Variants in AUTS2 observed in about 807,000 individuals in gnomAD.
AUTS2 encodes autism susceptibility gene 2 protein.
Under a neutral mutation model 112.4 loss-of-function variants are expected in AUTS2, and 17 were observed. The ratio of observed to expected loss-of-function variants is 0.15; its 90% CI spans 0.10 to 0.23. The LOEUF (loss-of-function observed/expected upper bound fraction) is 0.23. AUTS2 is among the 10% of genes least tolerant of loss of function. AUTS2 has a pLI of 1.00. For missense variants in AUTS2, 1,510 were observed against 1,701.6 expected (o/e 0.89, Z 1.98); for synonymous variants, 751 against 702.7 (o/e 1.07, Z -1.09).
chr7:70,468,782 T>A (rs774401109), intron 5 of AUTS2, among the ~76,000 whole-genome samples: 35 of 144,626 alleles, frequency 2.4e-4, no homozygotes, highest in South Asian at 8.7e-4. Flanking sequence ...GCTTAGCACC[T>A]TTTTTTTTTT....
intron 2 of AUTS2, among the ~76,000 whole-genome samples, chr7:69,966,098 G>A (rs755358046): frequency 3.3e-5 from 5 of 152,270 alleles, no homozygotes; most frequent in Middle Eastern, 3.4e-3. Flanking sequence ...ATAAGTAATA[G>A]CAGCTTCTTT....
At chr7:69,784,173 G>A (rs548443886) in intron 1 of AUTS2, among the ~76,000 whole-genome samples, 25 of 152,292 alleles carry the variant, frequency 1.6e-4, no homozygotes, top group Non-Finnish European at 3.1e-4. Context: ...GCTTCGTCAG[G>A]CTATTGCAGA....
chr7:70,444,482 AT>A (rs1796244730), intron 5 of AUTS2, among the ~76,000 whole-genome samples: 1 of 152,148 alleles, frequency 6.6e-6, no homozygotes. Flanking sequence ...TGTGACAAAT[AT>A]AATCAAATAT....
intron 1 of AUTS2, among the ~76,000 whole-genome samples, chr7:69,730,390 C>T (rs1674501814): frequency 6.6e-6 from 1 of 152,098 alleles, no homozygotes; most frequent in South Asian, 2.1e-4. Flanking sequence ...TCTGTCCCCA[C>T]CTGCCCCCCA....
chr7:69,771,786 CTTTT>C (rs10585402), intron 1 of AUTS2, among the ~76,000 whole-genome samples: 1 of 143,904 alleles, frequency 6.9e-6, no homozygotes, highest in Non-Finnish European at 1.5e-5. Context: ...GTCATGTGAC[CTTTT>C]TTTTTTTTTT....
intron 5 of AUTS2, among the ~76,000 whole-genome samples, chr7:70,696,366 T>C (rs1175445881): frequency 1.3e-5 from 2 of 152,160 alleles, no homozygotes; most frequent in Non-Finnish European, 2.9e-5. Flanking sequence ...GGTGTTTTTC[T>C]GGGGAGGCCT....
chr7:69,739,892 C>T (rs1209232306), intron 1 of AUTS2, among the ~76,000 whole-genome samples: 1 of 152,156 alleles, frequency 6.6e-6, no homozygotes, highest in East Asian at 1.9e-4. Context: ...ATTGAACCTG[C>T]TGTCTGGAGA....
At chr7:70,116,189 G>A (rs1024675634) in intron 2 of AUTS2, among the ~76,000 whole-genome samples, 4 of 152,186 alleles carry the variant, frequency 2.6e-5, no homozygotes, top group African/African-American at 9.7e-5. Context: ...GTACTTAAGA[G>A]CTCAGGAAGG....
chr7:70,241,053 C>T (rs1272131241), intron 4 of AUTS2, among the ~76,000 whole-genome samples: 1 of 152,198 alleles, frequency 6.6e-6, no homozygotes. Context: ...TCTTATGAAG[C>T]TTGAGCAATT....
At chr7:69,678,009 C>G (rs1258054431) in intron 1 of AUTS2, among the ~76,000 whole-genome samples, 1 of 152,136 alleles carries the variant, frequency 6.6e-6, no homozygotes, top group Non-Finnish European at 1.5e-5. Context: ...TATGCCAAAG[C>G]AAGCTCTTGG....
At chr7:69,836,463 T>G (rs1286208473) in intron 1 of AUTS2, among the ~76,000 whole-genome samples, 2 of 152,206 alleles carry the variant, frequency 1.3e-5, no homozygotes, top group African/African-American at 4.8e-5. Context: ...TAAGTTGAAT[T>G]ATTTAAAGTG....
rs545130774 is a variant in AUTS2, at chr7:70,085,146, G to A, written c.523-32986G>A. ...CCTGCCTCAGTCTCCCAAAGCAAAG[G>A]TTTCAAATTGTGGTGAATATAATCT... On this transcript the variant is annotated intron_variant, in intron 2 of 18. Transcript: ENST00000342771. 1.2e-4 allele frequency among the ~76,000 whole-genome samples: 19 copies of A among 152,218 alleles called. No homozygotes were observed. The South Asian group carries it at 3.9e-3, about 32-fold the overall frequency.
At chr7:70,245,158 ATATATATATAT>A (rs1364201794) in intron 4 of AUTS2, among the ~76,000 whole-genome samples, 5 of 137,402 alleles carry the variant, frequency 3.6e-5, no homozygotes, top group South Asian at 2.3e-4. Flanking sequence ...ATATATATAT[ATATATATATAT>A]AAAAAATAAA....
chr7:70,741,729 A>T (rs2129554173), intron 6 of AUTS2, among the ~76,000 whole-genome samples: 1 of 152,208 alleles, frequency 6.6e-6, no homozygotes, highest in Middle Eastern at 3.4e-3. Context: ...GAAATGCTAC[A>T]ATAAATATGG....
intron 5 of AUTS2, among the ~76,000 whole-genome samples, chr7:70,608,455 C>A (rs980678366): frequency 6.6e-6 from 1 of 152,060 alleles, no homozygotes; most frequent in African/African-American, 2.4e-5. Flanking sequence ...TGGTTTTGTC[C>A]GGGAGGTTTT....
At chr7:70,647,684 A>G (rs1035973978) in intron 5 of AUTS2, among the ~76,000 whole-genome samples, 3 of 152,148 alleles carry the variant, frequency 2.0e-5, no homozygotes, top group African/African-American at 7.2e-5. Context: ...GAGACTGCCA[A>G]CTGGGTATCA....
chr7:70,077,599 C>T (rs1220626952), intron 2 of AUTS2, among the ~76,000 whole-genome samples: 1 of 152,118 alleles, frequency 6.6e-6, no homozygotes. Flanking sequence ...TTTTACTGAT[C>T]CTGGTTCCAT....
chr7:69,716,115 A>G (rs917827639), intron 1 of AUTS2, among the ~76,000 whole-genome samples: 3 of 152,152 alleles, frequency 2.0e-5, no homozygotes, highest in Middle Eastern at 3.2e-3. Context: ...TTTTAGAAAT[A>G]AGGGAAACTC....
chr7:70,750,003 G>A (rs554121139), intron 6 of AUTS2, among the ~76,000 whole-genome samples: 18 of 152,338 alleles, frequency 1.2e-4, no homozygotes, highest in African/African-American at 3.1e-4. Context: ...GACTGCTGGT[G>A]GAAATTAATC....
Sources: allele counts gnomAD v4.1 joint callset (sites outside exome capture counted in the v4.1 genomes callset), GRCh38; gene constraint gnomAD v4.1.1; transcripts MANE v1.5; gene names NCBI Gene and HGNC (gene_info 2026-07-23, HGNC 2026-07-21).